Variants in PACSIN2 observed in about 807,000 individuals in gnomAD.
The protein encoded by PACSIN2 is protein kinase C and casein kinase substrate in neurons protein 2.
PACSIN2 carries 25 observed loss-of-function variants against 63.8 expected under a neutral mutation model. That is an observed-to-expected ratio of 0.39 (90% confidence interval 0.29 to 0.55). The LOEUF (loss-of-function observed/expected upper bound fraction) is 0.55. Ranked by LOEUF, PACSIN2 falls within the 20% of genes least tolerant of loss-of-function variation. PACSIN2 has a pLI of 0.62. For missense variants in PACSIN2, 518 were observed against 646.9 expected, an observed-to-expected ratio of 0.80 and a Z score of 2.16; for synonymous variants, 255 against 256.2, an observed-to-expected ratio of 1.00 and a Z score of 0.05.
At chr22:42,961,321 G>A (rs1419043074) in intron 1 of PACSIN2, among the ~76,000 whole-genome samples, 1 of 152,148 alleles carries the variant, frequency 6.6e-6, no homozygotes, top group African/African-American at 2.4e-5. Context: ...GCGGAAGGCC[G>A]CAGGGTCCTC....
intron 1 of PACSIN2, among the ~76,000 whole-genome samples, chr22:42,937,595 G>A (rs1023582245): frequency 2.4e-4 from 36 of 152,056 alleles, no homozygotes; most frequent in African/African-American, 7.0e-4. Flanking sequence ...TCATTCTCAA[G>A]GAGCCCTGTG....
intron 2 of PACSIN2, among the ~76,000 whole-genome samples, chr22:42,897,719 G>C (rs1221037322): frequency 6.6e-6 from 1 of 152,228 alleles, no homozygotes; most frequent in Admixed American, 6.5e-5. Flanking sequence ...CTTGGGCACA[G>C]GGCACTGGAA....
chr22:42,882,414 G>T, intron 6 of PACSIN2, 110 bp from the exon 7 acceptor site: 1 of 1,266,020 alleles, frequency 7.9e-7, no homozygotes, highest in Non-Finnish European at 1.1e-6. Flanking sequence ...CTGTGAGTTG[G>T]TTTCACAGAC....
intron 8 of PACSIN2, 76 bp from the exon 9 acceptor site, chr22:42,877,086 G>C: frequency 1.3e-6 from 2 of 1,525,846 alleles, no homozygotes; most frequent in Non-Finnish European, 1.8e-6. Context: ...CCTAGCTGCA[G>C]GATCTCAAGA....
Position 42,882,277 on chromosome 22 carries a change from C to T in PACSIN2, c.813G>A (p.Glu271=), listed in dbSNP as rs764909140. 27 of 1,613,392 alleles carry T rather than the reference C, an allele frequency of 1.7e-5. No individual in the cohort carries two copies. In the South Asian group the frequency reaches 2.7e-4, roughly 16 times the overall value. The stretch of plus-strand genomic sequence containing the variant: ...CTGCATCAGCTGCTCTGATGCTCTG[C>T]TCCAGGTCATGGTAAATGGCTTTGT... ...AGYKAIYHDL[E]QSIRAADAVE... is the part of the protein sequence containing the mutation. Residue 271 remains glutamate, a synonymous_variant, in exon 7 of 11, where the codon GAG becomes GAA. Coordinates refer to ENST00000263246, the MANE Select transcript of PACSIN2 (RefSeq NM_001184970.3).
intron 1 of PACSIN2, among the ~76,000 whole-genome samples, chr22:42,914,042 TGAG>T (rs1230640167): frequency 1.3e-5 from 2 of 152,194 alleles, no homozygotes; most frequent in Non-Finnish European, 2.9e-5. Flanking sequence ...ATTGCCGCTG[TGAG>T]GAGACTGTTG....
chr22:43,000,767 A>T (rs1292352989), intron 1 of PACSIN2, among the ~76,000 whole-genome samples: 1 of 152,252 alleles, frequency 6.6e-6, no homozygotes, highest in Non-Finnish European at 1.5e-5. Flanking sequence ...ATTAAAGAAA[A>T]TAACAAAGGA....
chr22:43,003,807 C>T (rs1923921506), intron 1 of PACSIN2, among the ~76,000 whole-genome samples: 1 of 152,166 alleles, frequency 6.6e-6, no homozygotes, highest in Non-Finnish European at 1.5e-5. Context: ...GAAGATGAGG[C>T]ACTCCTAAGC....
At chr22:43,007,692 T>A (rs2146927337) in intron 1 of PACSIN2, among the ~76,000 whole-genome samples, 1 of 152,344 alleles carries the variant, frequency 6.6e-6, no homozygotes, top group Middle Eastern at 3.4e-3. Flanking sequence ...CAGTACTTTG[T>A]ACACACTACT....
At chr22:42,892,505 C>T (rs1471465396) in intron 3 of PACSIN2, among the ~76,000 whole-genome samples, 1 of 152,208 alleles carries the variant, frequency 6.6e-6, no homozygotes, top group Non-Finnish European at 1.5e-5. Flanking sequence ...GCTCTGTAAA[C>T]CTCAAGCTCT....
chr22:42,884,243 A>T (rs1045023853), intron 6 of PACSIN2, 143 bp downstream of exon 6: 26 of 694,850 alleles, frequency 3.7e-5, no homozygotes, highest in Non-Finnish European at 6.2e-5. Flanking sequence ...CCAGATTACA[A>T]AGAAGCAGGA....
chr22:42,929,197 T>C (rs796340543), intron 1 of PACSIN2, among the ~76,000 whole-genome samples: 21 of 152,332 alleles, frequency 1.4e-4, no homozygotes, highest in African/African-American at 5.1e-4. Flanking sequence ...AGGGTCTCAC[T>C]GTGAAACAAG....
At chr22:42,989,167 C>T (rs1601608045) in intron 1 of PACSIN2, among the ~76,000 whole-genome samples, 1 of 152,206 alleles carries the variant, frequency 6.6e-6, no homozygotes, top group Non-Finnish European at 1.5e-5. Flanking sequence ...GTATGAGCCA[C>T]TGCACCTGGT....
At chr22:43,003,297 G>C (rs78348017) in intron 1 of PACSIN2, among the ~76,000 whole-genome samples, 1 of 152,146 alleles carries the variant, frequency 6.6e-6, no homozygotes, top group Middle Eastern at 3.2e-3. Flanking sequence ...CAAAAGTGAT[G>C]ATTATCCCAA....
chr22:42,980,101 G>A (rs1569346544), intron 1 of PACSIN2, among the ~76,000 whole-genome samples: 1 of 151,978 alleles, frequency 6.6e-6, no homozygotes. Context: ...GAAACAATCT[G>A]CTAACTAAAT....
At chr22:42,981,841 C>A (rs1473168785) in intron 1 of PACSIN2, among the ~76,000 whole-genome samples, 1 of 120,500 alleles carries the variant, frequency 8.3e-6, no homozygotes, top group African/African-American at 3.2e-5. Flanking sequence ...CAGCCCCCCG[C>A]CCGGCCAGCC....
intron 1 of PACSIN2, among the ~76,000 whole-genome samples, chr22:42,914,803 TTC>T (rs1385860551): frequency 6.6e-6 from 1 of 152,208 alleles, no homozygotes. Context: ...GGAATTCAGA[TTC>T]TGTCTGGATG....
chr22:42,981,792 G>T (rs199789311), intron 1 of PACSIN2, among the ~76,000 whole-genome samples: 2 of 110,670 alleles, frequency 1.8e-5, no homozygotes, highest in South Asian at 3.1e-4. Flanking sequence ...TCAGCCCCCC[G>T]CCCGGCCAGC....
chr22:42,877,224 C>T (rs1928709830), intron 8 of PACSIN2, among the ~76,000 whole-genome samples: 1 of 152,172 alleles, frequency 6.6e-6, no homozygotes, highest in Non-Finnish European at 1.5e-5. Context: ...ACTTGGTTTC[C>T]CTTTTCCTTC....
Sources: allele counts gnomAD v4.1 joint callset (sites outside exome capture counted in the v4.1 genomes callset), GRCh38; gene constraint gnomAD v4.1.1; transcripts MANE v1.5; gene names NCBI Gene and HGNC (gene_info 2026-07-23, HGNC 2026-07-21).